SGCD: variants seen among roughly 807,000 people sequenced by gnomAD.
SGCD encodes the protein delta-sarcoglycan.
Under a neutral mutation model 36.6 loss-of-function variants are expected in SGCD, and 18 were observed. The ratio of observed to expected loss-of-function variants is 0.49; its 90% confidence interval spans 0.34 to 0.73. The LOEUF (loss-of-function observed/expected upper bound fraction) is 0.73. Among genes scored for constraint, SGCD ranks in the 30% least tolerant of loss-of-function variants. The pLI is 0.01. For missense variants in SGCD, 387 were observed against 346.7 expected (o/e 1.12, Z -0.92); for synonymous variants, 133 against 130.6 (o/e 1.02, Z -0.12).
chr5:156,647,367 T>C (rs1316811270), intron 6 of SGCD, 97 bp from the exon 7 acceptor site: 13 of 756,242 alleles, frequency 1.7e-5, no homozygotes, highest in Non-Finnish European at 2.5e-5. Context: ...GGTTGTGTAA[T>C]GGATTCGCTG....
chr5:156,364,640 C>T (rs1769993466), intron 3 of SGCD, among the ~76,000 whole-genome samples: 2 of 152,024 alleles, frequency 1.3e-5, no homozygotes, highest in South Asian at 4.1e-4. Context: ...TCATTTTTCC[C>T]TATGTGTATG....
At chr5:156,612,666 C>T (rs1443412493) in intron 6 of SGCD, among the ~76,000 whole-genome samples, 1 of 152,190 alleles carries the variant, frequency 6.6e-6, no homozygotes, top group Non-Finnish European at 1.5e-5. Flanking sequence ...TCTGAGTAGC[C>T]AGGGTTGTGG....
At chr5:155,868,923 A>G (rs1029956181), upstream of SGCD, among the ~76,000 whole-genome samples, 1 of 152,212 alleles carries the variant, frequency 6.6e-6, no homozygotes, top group African/African-American at 2.4e-5. Context: ...GTGAACAGTA[A>G]TTATTATAGA....
At chr5:156,423,115 G>A (rs765720656) in intron 3 of SGCD, among the ~76,000 whole-genome samples, 11 of 117,210 alleles carry the variant, frequency 9.4e-5, no homozygotes, top group Non-Finnish European at 1.4e-4. Flanking sequence ...AACTGAAAAA[G>A]GAAATATTAA....
chr5:156,512,384 A>G (rs1756980439), intron 4 of SGCD, among the ~76,000 whole-genome samples: 1 of 152,124 alleles, frequency 6.6e-6, no homozygotes, highest in African/African-American at 2.4e-5. Context: ...CCGCTGTTCC[A>G]GTTGCCTACA....
chr5:156,162,458 G>A (rs1763108076), intron 3 of SGCD, among the ~76,000 whole-genome samples: 1 of 151,498 alleles, frequency 6.6e-6, no homozygotes, highest in Non-Finnish European at 1.5e-5. Context: ...AGTGTGTGCA[G>A]CTCTCCATTG....
At chr5:156,117,366 A>G (rs1178195418) in intron 1 of SGCD, among the ~76,000 whole-genome samples, 2 of 152,042 alleles carry the variant, frequency 1.3e-5, no homozygotes, top group Non-Finnish European at 2.9e-5. Context: ...CCCCTTGAGG[A>G]GGTTTTACTT....
intron 3 of SGCD, among the ~76,000 whole-genome samples, chr5:156,413,989 C>T (rs2127771819): frequency 6.6e-6 from 1 of 152,246 alleles, no homozygotes; most frequent in South Asian, 2.1e-4. Flanking sequence ...AAAACTAACT[C>T]ATTTGAATTC....
At chr5:156,403,870 T>C (rs912968281) in intron 3 of SGCD, among the ~76,000 whole-genome samples, 4 of 151,558 alleles carry the variant, frequency 2.6e-5, no homozygotes, top group Non-Finnish European at 5.9e-5. Context: ...AGGCTCACTA[T>C]GTCACCCATG....
At chr5:156,604,982 A>G (rs1290579735) in intron 6 of SGCD, among the ~76,000 whole-genome samples, 1 of 151,784 alleles carries the variant, frequency 6.6e-6, no homozygotes, top group East Asian at 1.9e-4. Flanking sequence ...TTTACATAGT[A>G]CCATTGTAGC....
At chr5:156,101,156 C>T (rs1453374269) in intron 1 of SGCD, among the ~76,000 whole-genome samples, 3 of 152,192 alleles carry the variant, frequency 2.0e-5, no homozygotes, top group African/African-American at 4.8e-5. Context: ...GACTTCAGAA[C>T]CATGAGATAT....
intron 1 of SGCD, among the ~76,000 whole-genome samples, chr5:155,872,740 C>T (rs1334087138): frequency 1.3e-5 from 2 of 152,140 alleles, no homozygotes; most frequent in African/African-American, 4.8e-5. Flanking sequence ...CTGTGAAATA[C>T]TTTTCCTGGT....
At chr5:155,771,446 C>G in the SGCD span, among the ~76,000 whole-genome samples, 1 of 148,562 alleles carries the variant, frequency 6.7e-6, no homozygotes, top group East Asian at 2.0e-4. Context: ...TTTTTTTTTA[C>G]AGAGTGTCAC....
chr5:156,314,505 CTCCATCTTTTAT>C (rs1327979564), intron 3 of SGCD, among the ~76,000 whole-genome samples: 1 of 152,022 alleles, frequency 6.6e-6, no homozygotes, highest in Non-Finnish European at 1.5e-5. Flanking sequence ...CTGGTCTTCT[CTCCATCTTTTAT>C]TCCATCATCT....
intron 6 of SGCD, among the ~76,000 whole-genome samples, chr5:156,646,153 G>A (rs1763216455): frequency 6.6e-6 from 1 of 152,156 alleles, no homozygotes; most frequent in Non-Finnish European, 1.5e-5. Flanking sequence ...AGCCCAGCAA[G>A]AACATAATCA....
the SGCD span, among the ~76,000 whole-genome samples, chr5:155,839,468 G>A: frequency 6.6e-6 from 1 of 152,196 alleles, no homozygotes; most frequent in Non-Finnish European, 1.5e-5. Context: ...TCATTTGGAG[G>A]AGGGTGTGTG....
At chr5:156,414,804 G>C (rs1772942031) in intron 3 of SGCD, among the ~76,000 whole-genome samples, 1 of 152,158 alleles carries the variant, frequency 6.6e-6, no homozygotes, top group African/African-American at 2.4e-5. Context: ...CTATTCTAGA[G>C]ATAGAATAAC....
intron 6 of SGCD, among the ~76,000 whole-genome samples, chr5:156,607,389 A>C (rs1429951005): frequency 6.6e-6 from 1 of 152,212 alleles, no homozygotes; most frequent in Non-Finnish European, 1.5e-5. Context: ...CATCCCAGGG[A>C]TGAAGCCCAC....
At chr5:156,754,405 T>G (rs911801627) in intron 7 of SGCD, among the ~76,000 whole-genome samples, 5 of 152,240 alleles carry the variant, frequency 3.3e-5, no homozygotes, top group African/African-American at 1.2e-4. Context: ...GTAGACCGTT[T>G]AAATAAGTTA....
Sources: gnomAD v4.1 joint callset for allele counts (sites outside exome capture counted in the v4.1 genomes callset) on GRCh38, gnomAD v4.1.1 for gene constraint, MANE v1.5 for transcripts, NCBI Gene and HGNC (gene_info 2026-07-23, HGNC 2026-07-21) for gene names.